The following ASPM variants were observed in gnomAD, a reference collection of about 807,000 sequenced individuals.
ASPM encodes the protein assembly factor for spindle microtubules, also known as abnormal spindle-like microcephaly-associated protein.
ASPM carries 256 observed loss-of-function variants against 366.4 expected under a neutral mutation model. The ratio of observed to expected loss-of-function variants is 0.70; its 90% CI spans 0.63 to 0.77. The LOEUF is 0.77. Ranked by LOEUF, ASPM falls within the 30% of genes least tolerant of loss-of-function variation. The probability of loss-of-function intolerance (pLI) is 0.00; values close to 1 mark genes in which losing one functional copy is unlikely to be tolerated. For missense variants in ASPM, 4,146 were observed against 4,090.4 expected (o/e 1.01, Z -0.37); for synonymous variants, 1,414 against 1,342.9 (o/e 1.05, Z -1.16).
At chr1:197,126,563 TG>T (rs1325455559) in intron 10 of ASPM, among the ~76,000 whole-genome samples, 1 of 152,030 alleles carries the variant, frequency 6.6e-6, no homozygotes, top group East Asian at 1.9e-4. Context: ...CAATTCCTAT[TG>T]GCCAGAATAT....
intron 5 of ASPM, among the ~76,000 whole-genome samples, chr1:197,134,683 T>G (rs1351071657): frequency 6.6e-6 from 1 of 152,228 alleles, no homozygotes; most frequent in Non-Finnish European, 1.5e-5. Context: ...ACCTGGTCCC[T>G]TTCCCAAGTT....
chr1:197,145,792 G>T (rs1658748479), intron 1 of ASPM, among the ~76,000 whole-genome samples: 1 of 151,600 alleles, frequency 6.6e-6, no homozygotes, highest in Non-Finnish European at 1.5e-5. Flanking sequence ...GTGCGCGCGC[G>T]TTTATGTGTT....
chr1:197,103,223 C>T lies in ASPM; in HGVS notation c.6028G>A (p.Gly2010Arg), dbSNP rs1327528392. 7 of 1,612,624 alleles carry T rather than the reference C, an allele frequency of 4.3e-6. No homozygotes were observed. The highest frequency in any genetic ancestry group is 5.9e-6 in the Non-Finnish European group (7 of 1,179,386). Residue 2010 changes from glycine to arginine, a missense_variant, in exon 18 of 28, where the codon GGA becomes AGA. Physicochemically the swap from Gly to Arg is moderately radical, Grantham distance 125. Coordinates refer to ENST00000367409, the MANE Select transcript of ASPM (RefSeq NM_018136.5). ...IQKYYRAYSIGREQNHLYLKT... is the reference protein window; with the variant it reads ...IQKYYRAYSIRREQNHLYLKT... ...AAATATAAATGATTCTGTTCTCTTC[C>T]AATACTGTAAGCCCTATAATACTTT...
Position 197,143,787 on chromosome 1 carries a change from T to G in ASPM, c.465A>C (p.Lys155Asn), listed in dbSNP as rs769716336. 1 of 1,612,220 alleles carries G rather than the reference T, an allele frequency of 6.2e-7. No individual in the cohort carries two copies. Among genetic ancestry groups the G allele is most frequent in the Admixed American group, 1.7e-5 (1 of 59,802 alleles). Reference sequence around the variant, plus strand: ...TTGTAGAGGCTGAAATTTTCTTCTTTTTAATGGTATCCCAAAGACTCCTCT... The same window carrying G: ...TTGTAGAGGCTGAAATTTTCTTCTTGTTAATGGTATCCCAAAGACTCCTCT... ...KKKRSLWDTI[K>N]KKKISASTSH... The change falls in exon 3 of 28, where the codon AAA becomes AAC. Residue 155 changes from lysine (K) to asparagine (N), a missense_variant. Transcript: ENST00000367409.
chr1:197,145,797 T>C lies in ASPM; in HGVS notation c.297+344A>G, dbSNP rs186331274. Among the ~76,000 whole-genome samples the C allele has an allele frequency of 5.5e-4, 83 of 151,810 alleles. No individual in the cohort carries two copies. The East Asian group carries it at 0.016, about 29-fold the overall frequency. On this transcript the variant is annotated intron_variant, in intron 1 of 27. Coordinates refer to ENST00000367409, the MANE Select transcript of ASPM (RefSeq NM_018136.5). ...AAGATGCTAAGTGCGCGCGCGTTTATGTGTTGTCCCCGCCCAAGTTAGCGT... is the reference window on the plus strand; with the variant it reads ...AAGATGCTAAGTGCGCGCGCGTTTACGTGTTGTCCCCGCCCAAGTTAGCGT...
At chr1:197,122,994 T>C (rs1657967470) in intron 13 of ASPM, among the ~76,000 whole-genome samples, 1 of 152,196 alleles carries the variant, frequency 6.6e-6, no homozygotes, top group South Asian at 2.1e-4. Flanking sequence ...GTTAGTGTCC[T>C]GTGAGCCTCT....
Position 197,084,179 on chromosome 1 carries a change from A to G in ASPM, c.*145T>C, listed in dbSNP as rs537891059. On this transcript the variant is annotated 3_prime_UTR_variant, in exon 28 of 28. Coordinates refer to ENST00000367409, the MANE Select transcript of ASPM (RefSeq NM_018136.5). ...ATGCATAAAACTATAAATGATAAAAATGAAGAATGTAATGAACAGTTTATG... is the reference window on the plus strand; with the variant it reads ...ATGCATAAAACTATAAATGATAAAAGTGAAGAATGTAATGAACAGTTTATG... The G allele has an allele frequency of 1.6e-6, 1 of 636,576 alleles. No homozygotes were observed. The highest frequency in any genetic ancestry group is 1.9e-5 in the South Asian group (1 of 52,650). 39.4% of individuals were successfully genotyped at this position (636,576 alleles called of 1,614,324 possible).
At chr1:197,129,407 G>A in intron 8 of ASPM, 90 bp from the exon 9 acceptor site, 1 of 1,427,208 alleles carries the variant, frequency 7.0e-7, no homozygotes, top group Non-Finnish European at 9.7e-7. Context: ...TAAGGTGTTA[G>A]TAAAACAAAA....
rs1316982196 is a variant in ASPM, at chr1:197,143,374, T to C, written c.878A>G (p.Asn293Ser). 1 of 1,613,764 alleles carries C rather than the reference T, an allele frequency of 6.2e-7. No homozygotes were observed. Among genetic ancestry groups the C allele is most frequent in the Non-Finnish European group, 8.5e-7 (1 of 1,179,734 alleles). Residue 293 changes from asparagine to serine, a missense_variant, in exon 3 of 28, where the codon AAT (asparagine) becomes AGT (serine). Around this residue, in one of 3 missense-constraint regions of ASPM, gnomAD observed 512 missense variants for 471.7 expected, o/e 1.09. Coordinates refer to ENST00000367409, the MANE Select transcript of ASPM (RefSeq NM_018136.5). ...SVNVNGQRGE[N>S]SKLSLTPNCS... ...GTTGGGGGTAAGACTAAGTTTACTA[T>C]TCTCTCCTCTTTGGCCATTAACATT...
At chr1:197,127,868 T>C (rs1301918770) in intron 10 of ASPM, among the ~76,000 whole-genome samples, 1 of 152,068 alleles carries the variant, frequency 6.6e-6, no homozygotes, top group East Asian at 1.9e-4. Flanking sequence ...CCACTGTCAA[T>C]AAAAAGTGTC....
At chr1:197,139,327 T>A (rs1377153693) in intron 4 of ASPM, 1 of 709,302 alleles carries the variant, frequency 1.4e-6, no homozygotes, top group Non-Finnish European at 2.4e-6. Flanking sequence ...CCGGGCGCGG[T>A]GGCTCACGCC....
At position 197,088,389 on chromosome 1, in the gene ASPM, A is replaced by G. The variant is rs776559179; in HGVS notation, c.10028T>C (p.Ile3343Thr). The G allele has an allele frequency of 6.2e-7, 1 of 1,610,308 alleles. No individual in the cohort carries two copies. The highest frequency in any genetic ancestry group is 1.3e-5 in the African/African-American group (1 of 74,940). The change falls in exon 26 of 28, where the codon ATA becomes ACA. Residue 3343 changes from isoleucine to threonine, a missense_variant. Around this residue, in one of 3 missense-constraint regions of ASPM, gnomAD observed 3,624 missense variants for 3,591.7 expected, o/e 1.01. Transcript: ENST00000367409. ...TSAVYDVENC[I>T]DILLELLQIY... ...CTGCAAAAGCTCCAATAGTATATCT[A>G]TACAATTTTCTACATCATAAACTGC...
intron 16 of ASPM, among the ~76,000 whole-genome samples, chr1:197,118,323 T>C (rs1208953012): frequency 2.0e-5 from 3 of 152,080 alleles, no homozygotes; most frequent in African/African-American, 7.2e-5. Context: ...TCCACTGAAT[T>C]CATGATTAAC....
intron 18 of ASPM, among the ~76,000 whole-genome samples, chr1:197,098,303 T>C (rs1480676504): frequency 6.6e-6 from 1 of 151,490 alleles, no homozygotes; most frequent in East Asian, 1.9e-4. Flanking sequence ...CTGGGAGCTT[T>C]GAAACAAATC....
In ASPM at chr1:197,090,861, T is replaced by C; in HGVS notation, c.9625A>G (p.Ile3209Val). 1 of 1,612,662 alleles carries C rather than the reference T, an allele frequency of 6.2e-7. No homozygotes were observed. The highest frequency in any genetic ancestry group is 1.7e-4 in the Middle Eastern group (1 of 6,056). ...KKQEKFTSGI[I>V]KIQALWRGYS... The stretch of plus-strand genomic sequence containing the variant: ...CAAGTTTCAATTACCTGAATTTTAA[T>C]GATTCCACTAGTGAATTTTTCCTGC... Residue 3209 changes from isoleucine (I) to valine (V), a missense_variant, in exon 23 of 28, where the codon ATT becomes GTT. Physicochemically the swap from Ile to Val is conservative, Grantham distance 29. Around this residue, in one of 3 missense-constraint regions of ASPM, gnomAD observed 3,624 missense variants for 3,591.7 expected, o/e 1.01. Transcript: ENST00000367409.
Position 197,103,878 on chromosome 1 carries a change from C to G in ASPM, c.5373G>C (p.Gln1791His), listed in dbSNP as rs766295101. 1 of 1,612,842 alleles carries G rather than the reference C, an allele frequency of 6.2e-7. No individual in the cohort carries two copies. The highest frequency in any genetic ancestry group is 8.5e-7 in the Non-Finnish European group (1 of 1,179,300). ...IQNYYHAYKAQVNQRKNFLQV... is the reference protein window; with the variant it reads ...IQNYYHAYKAHVNQRKNFLQV... ...GCAAGAAGTTCTTCCTCTGATTGACCTGTGCTTTGTATGCATGATAGTAAT... is the reference window on the plus strand; with the variant it reads ...GCAAGAAGTTCTTCCTCTGATTGACGTGTGCTTTGTATGCATGATAGTAAT... Residue 1791 changes from glutamine (Q) to histidine (H), a missense_variant, in exon 18 of 28, where the codon CAG becomes CAC. Gln to His is a conservative substitution (Grantham distance 24). Coordinates refer to ENST00000367409, the MANE Select transcript of ASPM (RefSeq NM_018136.5).
At chr1:197,114,437 G>C (rs1282634570) in intron 17 of ASPM, among the ~76,000 whole-genome samples, 1 of 152,154 alleles carries the variant, frequency 6.6e-6, no homozygotes, top group Non-Finnish European at 1.5e-5. Flanking sequence ...ATTCAGAAAA[G>C]ATTGCTCCAT....
intron 4 of ASPM, among the ~76,000 whole-genome samples, chr1:197,137,274 G>T (rs1658447063): frequency 6.6e-6 from 1 of 152,092 alleles, no homozygotes; most frequent in Non-Finnish European, 1.5e-5. Flanking sequence ...ATGTACTATT[G>T]CTGGGTCCAT....
chr1:197,120,440 G>A (rs991114005), intron 16 of ASPM, among the ~76,000 whole-genome samples: 5 of 152,042 alleles, frequency 3.3e-5, no homozygotes, highest in African/African-American at 1.2e-4. Context: ...TGAGGCACAA[G>A]AATGGCTTGA....
Sources: allele counts gnomAD v4.1 joint callset (sites outside exome capture counted in the v4.1 genomes callset), GRCh38; gene constraint gnomAD v4.1.1; regional missense constraint gnomAD v4.1.1; transcripts MANE v1.5; gene names NCBI Gene and HGNC (gene_info 2026-07-23, HGNC 2026-07-21).